RBFOX1: variants seen among roughly 807,000 people sequenced by gnomAD.
RBFOX1 encodes RNA binding fox-1 homolog 1.
A neutral mutation model predicts 57.7 loss-of-function variants in RBFOX1; 8 were observed. The ratio of observed to expected loss-of-function variants is 0.14; its 90% CI spans 0.08 to 0.25. The LOEUF (loss-of-function observed/expected upper bound fraction) is 0.25. Ranked by LOEUF, RBFOX1 falls within the 10% of genes least tolerant of loss-of-function variation. The probability of loss-of-function intolerance (pLI) is 1.00; values close to 1 mark genes in which losing one functional copy is unlikely to be tolerated. For missense variants in RBFOX1, 611 were observed against 548.5 expected (o/e 1.11, Z -1.14); for synonymous variants, 326 against 222.4 (o/e 1.47, Z -4.15).
intron 4 of RBFOX1, among the ~76,000 whole-genome samples, chr16:7,173,939 C>T (rs145416992): frequency 1.2e-4 from 18 of 152,214 alleles, no homozygotes; most frequent in East Asian, 9.6e-4. Flanking sequence ...CCCTGGGTGA[C>T]GCAGAGAAAC....
rs142429303 is a variant in RBFOX1 at position 5,349,943 on chromosome 16, C to T, written c.219+109838C>T. Among the ~76,000 whole-genome samples, 439 of 152,334 alleles carry T rather than the reference C, an allele frequency of 2.9e-3. 4 individuals carry two copies. The highest frequency in any genetic ancestry group is 9.7e-3 in the African/African-American group (403 of 41,580). ...CCCTGTGCTCCTTCCCAGCACAAGG[C>T]ATTTCTCACTCCTCTATAATTACCC... On this transcript the variant is annotated intron_variant, in intron 1 of 2. Transcript: ENST00000585867.
intron 3 of RBFOX1, among the ~76,000 whole-genome samples, chr16:6,908,831 G>A (rs2070781621): frequency 6.6e-6 from 1 of 152,098 alleles, no homozygotes; most frequent in Non-Finnish European, 1.5e-5. Flanking sequence ...GGTTGTGCCA[G>A]CCTCACAAGG....
chr16:6,657,907 A>G (rs2098671570), intron 3 of RBFOX1, among the ~76,000 whole-genome samples: 1 of 151,880 alleles, frequency 6.6e-6, no homozygotes. Flanking sequence ...CTCAAGAATC[A>G]CTTTATTTTT....
intron 4 of RBFOX1, among the ~76,000 whole-genome samples, chr16:7,145,797 C>G (rs867367445): frequency 6.6e-6 from 1 of 152,178 alleles, no homozygotes; most frequent in Non-Finnish European, 1.5e-5. Context: ...CTATACCTCT[C>G]TCTGTTTGTG....
chr16:6,922,455 C>T (rs552238604), intron 3 of RBFOX1, among the ~76,000 whole-genome samples: 9 of 152,308 alleles, frequency 5.9e-5, no homozygotes, highest in Non-Finnish European at 1.0e-4. Context: ...TTGCCTCTTC[C>T]TGAATTTGTG....
intron 10 of RBFOX1, among the ~76,000 whole-genome samples, chr16:7,612,463 G>A (rs896504322): frequency 6.6e-6 from 1 of 151,500 alleles, no homozygotes; most frequent in Non-Finnish European, 1.5e-5. Context: ...AGGAGAAGTA[G>A]ACTCAGAATA....
At chr16:7,354,004 C>G (rs892078760) in intron 4 of RBFOX1, among the ~76,000 whole-genome samples, 2 of 152,080 alleles carry the variant, frequency 1.3e-5, no homozygotes, top group South Asian at 2.1e-4. Flanking sequence ...CAGACTCTTG[C>G]TCTGTCACTC....
At chr16:6,636,963 ATTATGTATAT>A (rs1464639250) in intron 2 of RBFOX1, among the ~76,000 whole-genome samples, 134 of 130,044 alleles carry the variant, frequency 1.0e-3, no homozygotes, top group African/African-American at 3.6e-3. Context: ...AAATATGTAT[ATTATGTATAT>A]TTATGTATAT....
intron 1 of RBFOX1, among the ~76,000 whole-genome samples, chr16:6,176,570 C>T (rs2097012420): frequency 6.6e-6 from 1 of 151,984 alleles, no homozygotes; most frequent in Non-Finnish European, 1.5e-5. Flanking sequence ...TTGATGATAC[C>T]ATGTTTGCAT....
chr16:5,342,874 C>G, intron 1 of RBFOX1, among the ~76,000 whole-genome samples: 1 of 152,130 alleles, frequency 6.6e-6, no homozygotes, highest in Non-Finnish European at 1.5e-5. Context: ...TACAGCAGAG[C>G]CATGCAGTTT....
intron 4 of RBFOX1, among the ~76,000 whole-genome samples, chr16:7,177,100 C>G (rs1462545550): frequency 6.6e-6 from 1 of 152,186 alleles, no homozygotes; most frequent in African/African-American, 2.4e-5. Context: ...TCGGAGACAA[C>G]TCCATTTAGT....
Position 7,293,227 on chromosome 16 carries a change from C to T in RBFOX1, c.28-224920C>T, listed in dbSNP as rs188530830. Reference sequence around the variant, plus strand: ...ACACTTTTTTCCTTGTCATTATTCCCTAAACAATGCATTGAAACAACTATT... The same window carrying T: ...ACACTTTTTTCCTTGTCATTATTCCTTAAACAATGCATTGAAACAACTATT... On this transcript the variant is annotated intron_variant, in intron 4 of 15. Coordinates refer to ENST00000550418, the MANE Select transcript of RBFOX1 (RefSeq NM_018723.4). Among the ~76,000 whole-genome samples, 420 of 152,238 alleles carry T rather than the reference C, an allele frequency of 2.8e-3. 2 individuals are homozygous for T. Among genetic ancestry groups the T allele is most frequent in the African/African-American group, 9.5e-3 (395 of 41,544 alleles).
At chr16:7,397,047 G>T (rs2098151852) in intron 4 of RBFOX1, among the ~76,000 whole-genome samples, 1 of 152,160 alleles carries the variant, frequency 6.6e-6, no homozygotes. Flanking sequence ...GAGAACGTGA[G>T]GTCTAACTTG....
At chr16:7,555,242 T>C (rs1304925324) in intron 5 of RBFOX1, among the ~76,000 whole-genome samples, 1 of 152,216 alleles carries the variant, frequency 6.6e-6, no homozygotes, top group Non-Finnish European at 1.5e-5. Context: ...AAAAGCCTTC[T>C]GATGACTCCC....
At chr16:5,736,478 C>G (rs1236805149) in intron 3 of RBFOX1, among the ~76,000 whole-genome samples, 1 of 152,126 alleles carries the variant, frequency 6.6e-6, no homozygotes, top group African/African-American at 2.4e-5. Context: ...CGTTTCCCTC[C>G]CCGACTCTCC....
chr16:7,440,808 A>G (rs183468048), intron 4 of RBFOX1, among the ~76,000 whole-genome samples: 77 of 152,186 alleles, frequency 5.1e-4, no homozygotes, highest in Non-Finnish European at 6.9e-4. Flanking sequence ...CCTCACATTT[A>G]GCAGCCCTCA....
At chr16:5,368,556 C>G (rs991096545) in intron 1 of RBFOX1, among the ~76,000 whole-genome samples, 1 of 152,192 alleles carries the variant, frequency 6.6e-6, no homozygotes, top group African/African-American at 2.4e-5. Context: ...TTCTGCAACT[C>G]TTGCTTAGCT....
At chr16:7,143,283 G>T (rs544518806) in intron 4 of RBFOX1, among the ~76,000 whole-genome samples, 1 of 151,976 alleles carries the variant, frequency 6.6e-6, no homozygotes, top group Non-Finnish European at 1.5e-5. Flanking sequence ...ATGACAATGC[G>T]TCCAACTGTT....
intron 1 of RBFOX1, among the ~76,000 whole-genome samples, chr16:6,256,581 A>T (rs769176814): frequency 6.6e-6 from 1 of 152,028 alleles, no homozygotes; most frequent in Non-Finnish European, 1.5e-5. Context: ...TTAAACCGAT[A>T]TAATCAATAT....
Sources: allele counts gnomAD v4.1 joint callset (sites outside exome capture counted in the v4.1 genomes callset), GRCh38; gene constraint gnomAD v4.1.1; transcripts MANE v1.5; gene names NCBI Gene and HGNC (gene_info 2026-07-23, HGNC 2026-07-21).